The following ACTR8 variants were observed in gnomAD, a reference collection of about 807,000 sequenced individuals.
ACTR8 encodes actin-related protein 8.
A neutral mutation model predicts 84.3 loss-of-function variants in ACTR8; 70 were observed. The ratio of observed to expected loss-of-function variants is 0.83; its 90% CI spans 0.68 to 1.01. The LOEUF (loss-of-function observed/expected upper bound fraction) is 1.01. Among genes scored for constraint, ACTR8 ranks in the 50% least tolerant of loss-of-function variants. The pLI is 0.00. For synonymous variants in ACTR8, 268 were observed against 275.2 expected (o/e 0.97, Z 0.26); for missense variants, 672 against 775.4 (o/e 0.87, Z 1.58).
At chr3:53,876,225 A>C (rs970097109) in intron 6 of ACTR8, 145 bp from the exon 7 acceptor site, 1 of 1,101,032 alleles carries the variant, frequency 9.1e-7, no homozygotes, top group African/African-American at 1.6e-5. Context: ...TAAGCATTTA[A>C]ATAAGTCAGT....
At chr3:53,875,604 G>A (rs944407616) in intron 7 of ACTR8, among the ~76,000 whole-genome samples, 2 of 152,222 alleles carry the variant, frequency 1.3e-5, no homozygotes, top group African/African-American at 4.8e-5. Flanking sequence ...CCTAAATAAA[G>A]CTCTGCTATA....
In ACTR8 at chr3:53,868,733, C is replaced by A. The variant is rs532148065; in HGVS notation, c.1861G>T (p.Ala621Ser). Reference protein sequence around the residue: ...FGVRMLRERAAFVW With the variant: ...FGVRMLRERASFVW ...TTCCTCCCCATTCACCACACAAACGCAGCCCGCTCTCGTAACATGCGGACA... is the reference window on the plus strand; with the variant it reads ...TTCCTCCCCATTCACCACACAAACGAAGCCCGCTCTCGTAACATGCGGACA... Residue 621 changes from alanine (A) to serine (S), a missense_variant, in exon 13 of 13, where the codon GCG becomes TCG. Coordinates refer to ENST00000335754, the MANE Select transcript of ACTR8 (RefSeq NM_022899.5). 1.5e-5 allele frequency: 24 copies of A among 1,614,126 alleles called. No homozygotes were observed. The African/African-American group carries it at 2.9e-4, about 20-fold the overall frequency.
chr3:53,867,767 C>T lies in ACTR8; in HGVS notation c.*952G>A, dbSNP rs17053571. ...GAGGGCTTCACCAGAGCCTGGACCA[C>T]CAGTGGTAATAGCTGCATTATTTAG... On this transcript the variant is annotated 3_prime_UTR_variant, in exon 13 of 13. Transcript: ENST00000335754. 11,905 of 152,268 alleles carry T rather than the reference C, an allele frequency of 0.078. 606 individuals are homozygous for T. Among genetic ancestry groups the T allele is most frequent in the East Asian group, 0.23 (1,190 of 5,172 alleles). 9.4% of individuals were successfully genotyped at this position (152,268 alleles called of 1,614,324 possible).
In ACTR8 at chr3:53,880,068, T is replaced by C. The variant is rs140750457; in HGVS notation, c.165A>G (p.Ser55=). The part of the protein sequence containing the change: ...SNFIIVIHPG[S]TTLRIGRATD... Reference sequence around the variant, plus strand: ...TGGCTCGACCAATCCTTAAAGTTGTTGAACCTGGATGTATGACAATGATGA... The same window carrying C: ...TGGCTCGACCAATCCTTAAAGTTGTCGAACCTGGATGTATGACAATGATGA... Residue 55 remains serine, a synonymous_variant, in exon 2 of 13, where the codon TCA becomes TCG. Transcript: ENST00000335754. The C allele has an allele frequency of 7.0e-5, 113 of 1,614,000 alleles. No homozygotes were observed. The highest frequency in any genetic ancestry group is 9.2e-5 in the Non-Finnish European group (108 of 1,179,986).
Position 53,877,734 on chromosome 3 carries a change from C to T in ACTR8, c.423G>A (p.Lys141=), listed in dbSNP as rs1324630799. ...GATCTAAAATTGCAGGTCGCATCTG[C>T]TTATTGTAGGAGCGTGCCTGAAAAG... The part of the protein sequence containing the change: ...VSPEQARSYN[K]QMRPAILDHC... Residue 141 remains lysine, a synonymous_variant, in exon 4 of 13, where the codon AAG becomes AAA. Transcript: ENST00000335754. 3.1e-6 allele frequency: 5 copies of T among 1,613,938 alleles called. No individual in the cohort carries two copies. The highest frequency in any genetic ancestry group is 4.2e-6 in the Non-Finnish European group (5 of 1,179,972).
chr3:53,865,019 C>T, downstream of ACTR8: 1 of 1,614,186 alleles, frequency 6.2e-7, no homozygotes, highest in Non-Finnish European at 8.5e-7. Context: ...TGCGATGGTA[C>T]CTGTGGCAAG....
rs760499503 is a variant in ACTR8 at position 53,877,279 on chromosome 3, C to G, written c.619G>C (p.Asp207His). The G allele has an allele frequency of 3.1e-6, 5 of 1,614,030 alleles. No homozygotes were observed. Among genetic ancestry groups the G allele is most frequent in the Non-Finnish European group, 4.2e-6 (5 of 1,179,992 alleles). The part of the protein sequence containing the change: ...PGGSLTAVLA[D>H]IEVIWSHAIQ... Reference sequence around the variant, plus strand: ...GCATGAGACCATATTACTTCAATATCTGCCAGAACAGCTGTAAGAGAGCCC... The same window carrying G: ...GCATGAGACCATATTACTTCAATATGTGCCAGAACAGCTGTAAGAGAGCCC... Residue 207 changes from aspartate to histidine, a missense_variant, in exon 5 of 13, where the codon GAT (aspartate) becomes CAT (histidine). By Grantham distance (81) the Asp-to-His change is moderately conservative. Transcript: ENST00000335754.
Position 53,871,332 on chromosome 3 carries a change from C to T in ACTR8, c.1467G>A (p.Glu489=), listed in dbSNP as rs569041085. ...TCCTGGACATCAGTGCAGTGAGGGC[C>T]TCCTCGGAATCGTTGCCGGCCATCA... ...DGLMAGNDSE[E]ALTALMSRKT... Residue 489 remains glutamate, a synonymous_variant, in exon 11 of 13, where the codon GAG becomes GAA. Coordinates refer to ENST00000335754, the MANE Select transcript of ACTR8 (RefSeq NM_022899.5). 2.7e-5 allele frequency: 44 copies of T among 1,614,240 alleles called. 1 individual carries two copies. The South Asian group carries it at 4.7e-4, about 17-fold the overall frequency.
intron 10 of ACTR8, among the ~76,000 whole-genome samples, chr3:53,872,041 T>C (rs1052598463): frequency 5.3e-5 from 8 of 152,218 alleles, no homozygotes; most frequent in Admixed American, 4.6e-4. Context: ...TCTTTGGCTA[T>C]GCCACACATC....
chr3:53,861,975 T>A, the ACTR8 span, among the ~76,000 whole-genome samples: 2 of 152,168 alleles, frequency 1.3e-5, no homozygotes, highest in South Asian at 2.1e-4. Context: ...ACTGGCCTTA[T>A]CTATAAAGCT....
chr3:53,871,517 C>A (rs1013290183), intron 10 of ACTR8, 21 bp from the exon 11 acceptor site: 4 of 1,612,478 alleles, frequency 2.5e-6, no homozygotes, highest in Non-Finnish European at 3.4e-6. Context: ...AAAGGACAAT[C>A]AAGTATGTGG....
At position 53,870,779 on chromosome 3, in the gene ACTR8, C is replaced by A. The variant is rs9859937; in HGVS notation, c.1567+453G>T. On this transcript the variant is annotated intron_variant, in intron 11 of 12. Transcript: ENST00000335754. The surrounding 1 kb of genome is among the most constrained non-coding windows in gnomAD (Gnocchi z 4.1). ...TCTTCACAGGCTTCTTCCTCTACCC[C>A]ATCTGTGACTGCTAACTGACCCCTT... is the stretch of plus-strand genomic sequence containing the variant. Among the ~76,000 whole-genome samples the A allele has an allele frequency of 3.9e-5, 6 of 152,314 alleles. No individual in the cohort carries two copies. The South Asian group carries it at 1.0e-3, about 26-fold the overall frequency.
At chr3:53,861,199 GT>G in the ACTR8 span, 3 of 151,918 alleles carry the variant, frequency 2.0e-5, no homozygotes, top group Non-Finnish European at 2.9e-5. Context: ...GTGCAATATC[GT>G]AAACCTTCAA....
chr3:53,865,483 T>C (rs1393611440), downstream of ACTR8: 9 of 542,420 alleles, frequency 1.7e-5, no homozygotes, highest in East Asian at 1.2e-4. Context: ...TAACTAACGA[T>C]TGGAAACTAC....
At chr3:53,876,395 T>C (rs1179653089) in intron 6 of ACTR8, among the ~76,000 whole-genome samples, 1 of 151,960 alleles carries the variant, frequency 6.6e-6, no homozygotes, top group East Asian at 1.9e-4. Context: ...GGCGGGTGCC[T>C]GTAGTCCCAG....
chr3:53,882,131 C>T lies in ACTR8; in HGVS notation c.-30G>A, dbSNP rs754323815. 5.2e-6 allele frequency: 8 copies of T among 1,549,552 alleles called. No individual in the cohort carries two copies. The highest frequency in any genetic ancestry group is 7.0e-6 in the Non-Finnish European group (8 of 1,145,570). ...GCCGGAGACACCCACCAACCTCTCG[C>T]CTCAGCGCTGCAGCCACGACTGCCG... is the stretch of plus-strand genomic sequence containing the variant. On this transcript the variant is annotated 5_prime_UTR_variant, in exon 1 of 13. Transcript: ENST00000335754.
chr3:53,880,565 A>G (rs944271407), intron 1 of ACTR8, among the ~76,000 whole-genome samples: 1 of 152,238 alleles, frequency 6.6e-6, no homozygotes, highest in Non-Finnish European at 1.5e-5. Flanking sequence ...CACAGGAAGC[A>G]TTCGAGGAAT....
downstream of ACTR8, chr3:53,864,702 C>G: frequency 2.2e-6 from 3 of 1,382,436 alleles, no homozygotes; most frequent in Non-Finnish European, 3.0e-6. Context: ...TGAAAGCCTG[C>G]TGTTTGCTGT....
chr3:53,876,086 G>GT lies in ACTR8; in HGVS notation c.779-7_779-6insA. 6.3e-7 allele frequency: 1 copy of GT among 1,582,436 alleles called. No individual in the cohort carries two copies. The highest frequency in any genetic ancestry group is 8.5e-7 in the Non-Finnish European group (1 of 1,171,420). On this transcript the variant is annotated splice_region_variant and splice_polypyrimidine_tract_variant and intron_variant, in intron 6 of 12. Transcript: ENST00000335754. ...CTCCTGATGGACCACAATCCCTGGGGGGGGAAAAGAAAAGGCAGAGTAGTC... is the reference window on the plus strand; with the variant it reads ...CTCCTGATGGACCACAATCCCTGGGGTGGGGAAAAGAAAAGGCAGAGTAGTC...
Sources: allele counts gnomAD v4.1 joint callset (sites outside exome capture counted in the v4.1 genomes callset), GRCh38; gene constraint gnomAD v4.1.1; non-coding constraint Gnocchi (gnomAD v3.1); transcripts MANE v1.5; gene names NCBI Gene and HGNC (gene_info 2026-07-23, HGNC 2026-07-21).